AGR2: variants seen among roughly 807,000 people sequenced by gnomAD.
AGR2 encodes the protein anterior gradient protein 2 homolog.
In AGR2, 27 loss-of-function variants were observed where a neutral mutation model predicts 25.9. The ratio of observed to expected loss-of-function variants is 1.04; its 90% CI spans 0.77 to 1.44. AGR2 has a LOEUF of 1.44. AGR2 is among the 40% of genes most tolerant of loss of function. AGR2 has a pLI of 0.00. For missense variants in AGR2, 182 were observed against 200.9 expected (o/e 0.91, Z 0.57); for synonymous variants, 78 against 72.0 (o/e 1.08, Z -0.42).
Position 16,794,693 on chromosome 7 carries a change from C to T in AGR2, c.478+243G>A, listed in dbSNP as rs925957511. 1.5e-5 allele frequency: 15 copies of T among 1,032,340 alleles called. No individual in the cohort carries two copies. In the African/African-American group the frequency reaches 1.9e-4, roughly 13 times the overall value. 63.9% of individuals were successfully genotyped at this position (1,032,340 alleles called of 1,614,324 possible). ...AAATCAGGTAATGTGGTCATAGAAT[C>T]CTCCTAGAGAAAAAGATACCTAATC... On this transcript the variant is annotated intron_variant, in intron 7 of 7. Coordinates refer to ENST00000419304, the MANE Select transcript of AGR2 (RefSeq NM_006408.4).
rs990745028 is a variant in AGR2 at position 16,792,370 on chromosome 7, C to T, written c.*538G>A. The T allele has an allele frequency of 6.5e-6, 1 of 152,874 alleles. No homozygotes were observed. The highest frequency in any genetic ancestry group is 1.5e-5 in the Non-Finnish European group (1 of 68,226). The allele number at this position is 152,874 out of a possible 1,614,324, so 9.5% of individuals were successfully genotyped here. A position where few individuals can be genotyped will look rare whatever the true frequency, so the allele number is the denominator to read the frequency against. ...AATGAAAGTGTGTACCTTAGAGTTC[C>T]TGGCCAGAGTTGACTCTAGGTAGTG... On this transcript the variant is annotated 3_prime_UTR_variant, in exon 8 of 8. Transcript: ENST00000419304.
chr7:16,792,991 C>G (rs768027549), intron 7 of AGR2, 34 bp from the exon 8 acceptor site: 3 of 1,591,074 alleles, frequency 1.9e-6, no homozygotes, highest in African/African-American at 2.7e-5. Context: ...AGTCAAGACA[C>G]CATCGTGCGT....
In AGR2 at chr7:16,797,499, T is replaced by G. The variant is rs1785067350; in HGVS notation, c.394+132A>C. ...AAATATGTTGCGGAACTTAAAGGAA[T>G]GTCATGCTCCTTGCTAGAGCTTAGT... is the stretch of plus-strand genomic sequence containing the variant. On this transcript the variant is annotated intron_variant, in intron 6 of 7. Coordinates refer to ENST00000419304, the MANE Select transcript of AGR2 (RefSeq NM_006408.4). The G allele has an allele frequency of 1.1e-5, 7 of 632,582 alleles. No individual in the cohort carries two copies. The South Asian group carries it at 1.9e-4, about 17-fold the overall frequency. The allele number at this position is 632,582 out of a possible 1,614,324, so 39.2% of individuals were successfully genotyped here.
chr7:16,793,592 T>C (rs560876413), intron 7 of AGR2, among the ~76,000 whole-genome samples: 1 of 152,216 alleles, frequency 6.6e-6, no homozygotes, highest in Non-Finnish European at 1.5e-5. Context: ...AGTAGGTGTG[T>C]GTAAATTGTT....
At chr7:16,795,101 T>A in intron 6 of AGR2, 82 bp from the exon 7 acceptor site, 1 of 1,400,510 alleles carries the variant, frequency 7.1e-7, no homozygotes, top group East Asian at 2.4e-5. Context: ...GAGCTGAAGT[T>A]CATGTATTCA....
At chr7:16,799,111 G>A (rs1785096849) in intron 5 of AGR2, among the ~76,000 whole-genome samples, 1 of 152,178 alleles carries the variant, frequency 6.6e-6, no homozygotes, top group Admixed American at 6.5e-5. Flanking sequence ...GGAAGAGGAA[G>A]AGCCCATGGA....
chr7:16,804,576 G>A (rs899173658), intron 1 of AGR2, among the ~76,000 whole-genome samples: 8 of 152,092 alleles, frequency 5.3e-5, no homozygotes, highest in Non-Finnish European at 1.5e-5. Context: ...AAGCCTATGG[G>A]GCTTTGCTTT....
chr7:16,799,168 C>T (rs1328561828), intron 5 of AGR2, among the ~76,000 whole-genome samples: 2 of 152,028 alleles, frequency 1.3e-5, no homozygotes, highest in African/African-American at 4.8e-5. Flanking sequence ...TTTAAGGAAG[C>T]CAACCTGTGA....
Position 16,792,797 on chromosome 7 carries a change from T to C in AGR2, c.*111A>G. The C allele has an allele frequency of 1.0e-6, 1 of 991,806 alleles. No individual in the cohort carries two copies. The highest frequency in any genetic ancestry group is 1.6e-6 in the Non-Finnish European group (1 of 625,716). The allele number at this position is 991,806 out of a possible 1,614,324, so 61.4% of individuals were successfully genotyped here. A position where few individuals can be genotyped will look rare whatever the true frequency, so the allele number is the denominator to read the frequency against. ...AAATAGTTGTTGTAACATTAAACCA[T>C]AACCTAATCAGTGTGTTCACTATGC... On this transcript the variant is annotated 3_prime_UTR_variant, in exon 8 of 8. Coordinates refer to ENST00000419304, the MANE Select transcript of AGR2 (RefSeq NM_006408.4).
chr7:16,801,009 C>T (rs1785131967), intron 4 of AGR2, 142 bp downstream of exon 4: 1 of 599,452 alleles, frequency 1.7e-6, no homozygotes, highest in East Asian at 2.9e-5. Flanking sequence ...TATTTGAAGT[C>T]ACTTTTAAAT....
Position 16,796,002 on chromosome 7 carries a change from T to A in AGR2, c.395-983A>T, listed in dbSNP as rs1286824312. On this transcript the variant is annotated intron_variant, in intron 6 of 7. Transcript: ENST00000419304. ...GTCTAATCTTTGTAAGAAATTAACCTAAGAAGGGCTTTTTAAATACCCAAC... is the reference window on the plus strand; with the variant it reads ...GTCTAATCTTTGTAAGAAATTAACCAAAGAAGGGCTTTTTAAATACCCAAC... Among the ~76,000 whole-genome samples the A allele has an allele frequency of 3.3e-5, 5 of 152,364 alleles. No homozygotes were observed. The South Asian group carries it at 8.3e-4, about 25-fold the overall frequency.
At chr7:16,800,574 C>G (rs528946646) in intron 4 of AGR2, among the ~76,000 whole-genome samples, 1 of 152,286 alleles carries the variant, frequency 6.6e-6, no homozygotes, top group South Asian at 2.1e-4. Flanking sequence ...GTCTACCAGC[C>G]TCACTCTGGC....
intron 6 of AGR2, among the ~76,000 whole-genome samples, chr7:16,796,279 G>C (rs978487466): frequency 1.3e-5 from 2 of 152,188 alleles, no homozygotes; most frequent in East Asian, 3.8e-4. Context: ...CTTCCACAGG[G>C]ATGCTGTACA....
rs1375616682 is a variant in AGR2, at chr7:16,801,268, A to C, written c.203+52T>G. On this transcript the variant is annotated intron_variant, in intron 3 of 7. Coordinates refer to ENST00000419304, the MANE Select transcript of AGR2 (RefSeq NM_006408.4). ...ATTTCACATATATCTAGATGTCACTAGGTGGTGCTCTTGAGAGCTTTGAGG... is the reference window on the plus strand; with the variant it reads ...ATTTCACATATATCTAGATGTCACTCGGTGGTGCTCTTGAGAGCTTTGAGG... The C allele has an allele frequency of 5.6e-6, 9 of 1,607,806 alleles. No homozygotes were observed. The East Asian group carries it at 1.6e-4, about 28-fold the overall frequency.
intron 3 of AGR2, 52 bp downstream of exon 3, chr7:16,801,268 A>G: frequency 2.5e-6 from 4 of 1,607,806 alleles, no homozygotes; most frequent in Non-Finnish European, 3.4e-6. Flanking sequence ...AGATGTCACT[A>G]GGTGGTGCTC....
At chr7:16,801,420 T>C (rs1415848161) in intron 2 of AGR2, 37 bp from the exon 3 acceptor site, 2 of 1,588,530 alleles carry the variant, frequency 1.3e-6, no homozygotes, top group Non-Finnish European at 1.7e-6. Flanking sequence ...GAAGCTTGTA[T>C]AAATTCAGAC....
In AGR2 at chr7:16,801,774, G is replaced by A. The variant is rs1365032816; in HGVS notation, c.23C>T (p.Ala8Val). Residue 8 changes from alanine (A) to valine (V), a missense_variant, in exon 2 of 8, where the codon GCA (alanine) becomes GTA (valine). By Grantham distance (64) the Ala-to-Val change is moderately conservative. Transcript: ENST00000419304. ...GGAGAGGGCCACAAGGAGCAAGAAT[G>A]CTGACACTGGAATTTTCTCCATGGC... MEKIPVS[A>V]FLLLVALSYT... is the part of the protein sequence containing the mutation. 1.2e-6 allele frequency: 2 copies of A among 1,609,288 alleles called. No individual in the cohort carries two copies. The highest frequency in any genetic ancestry group is 1.7e-6 in the Non-Finnish European group (2 of 1,177,100).
chr7:16,797,722 G>C (rs1254544501), intron 5 of AGR2, 28 bp from the exon 6 acceptor site: 1 of 1,595,378 alleles, frequency 6.3e-7, no homozygotes, highest in Non-Finnish European at 8.6e-7. Flanking sequence ...GCATCTTTTA[G>C]TTTACTTTGA....
At chr7:16,794,049 C>T (rs777427609) in intron 7 of AGR2, among the ~76,000 whole-genome samples, 2 of 152,256 alleles carry the variant, frequency 1.3e-5, no homozygotes, top group African/African-American at 2.4e-5. Flanking sequence ...TGGTCCAGCA[C>T]ACACTGGAAA....
Sources: gnomAD v4.1 joint callset for allele counts (sites outside exome capture counted in the v4.1 genomes callset) on GRCh38, gnomAD v4.1.1 for gene constraint, MANE v1.5 for transcripts, NCBI Gene and HGNC (gene_info 2026-07-23, HGNC 2026-07-21) for gene names.